Variants in MAGI2 observed in about 807,000 individuals in gnomAD.
MAGI2 encodes the protein membrane-associated guanylate kinase, WW and PDZ domain-containing protein 2.
MAGI2 carries 35 observed loss-of-function variants against 133.3 expected under a neutral mutation model. The observed-to-expected ratio is 0.26, with a 90% CI of 0.20 to 0.35. The LOEUF is 0.35. MAGI2 is among the 10% of genes least tolerant of loss of function. The pLI, the probability that MAGI2 is intolerant of heterozygous loss-of-function variation, is 1.00. For missense variants in MAGI2, 1,636 were observed against 1,863.4 expected (o/e 0.88, Z 2.25); for synonymous variants, 729 against 710.6 (o/e 1.03, Z -0.41).
chr7:78,174,947 G>C (rs999749067), intron 14 of MAGI2, among the ~76,000 whole-genome samples: 1 of 152,210 alleles, frequency 6.6e-6, no homozygotes, highest in Admixed American at 6.5e-5. Flanking sequence ...CTCTCTGCAT[G>C]AATGCTGGAG....
chr7:78,223,277 C>A (rs1789015455), intron 10 of MAGI2, among the ~76,000 whole-genome samples: 1 of 152,112 alleles, frequency 6.6e-6, no homozygotes, highest in East Asian at 1.9e-4. Context: ...ACCATTTGTT[C>A]TTTCATTTTT....
chr7:78,759,189 G>C (rs2214558), intron 2 of MAGI2, among the ~76,000 whole-genome samples: 65,101 of 151,822 alleles, frequency 0.43, 14,222 homozygotes, highest in Non-Finnish European at 0.47. Flanking sequence ...TCCATATTAA[G>C]TAATCAAGTC....
At chr7:78,775,394 G>A (rs113819314) in intron 2 of MAGI2, among the ~76,000 whole-genome samples, 37 of 137,708 alleles carry the variant, frequency 2.7e-4, no homozygotes, top group African/African-American at 9.0e-4. Context: ...AAAATTAATC[G>A]GGAAATTTAG....
At chr7:79,283,781 T>G (rs1409523392) in intron 1 of MAGI2, among the ~76,000 whole-genome samples, 1 of 152,144 alleles carries the variant, frequency 6.6e-6, no homozygotes, top group Non-Finnish European at 1.5e-5. Context: ...TTTTAGTTGT[T>G]TCTTTGGCTA....
intron 6 of MAGI2, among the ~76,000 whole-genome samples, chr7:78,410,263 C>T (rs1797753390): frequency 6.6e-6 from 1 of 152,028 alleles, no homozygotes; most frequent in South Asian, 2.1e-4. Context: ...GATTAAAACT[C>T]GACCCTGCTA....
At chr7:78,929,266 C>G (rs956714514) in intron 2 of MAGI2, among the ~76,000 whole-genome samples, 1 of 151,906 alleles carries the variant, frequency 6.6e-6, no homozygotes, top group African/African-American at 2.4e-5. Context: ...ACTTTTAAAC[C>G]TTGAATTTAA....
chr7:78,406,309 A>G (rs1031016768), intron 6 of MAGI2, among the ~76,000 whole-genome samples: 1 of 152,046 alleles, frequency 6.6e-6, no homozygotes, highest in East Asian at 1.9e-4. Flanking sequence ...AACAGTATTT[A>G]AATTTAACCT....
intron 1 of MAGI2, among the ~76,000 whole-genome samples, chr7:79,223,052 T>A (rs1830575564): frequency 6.6e-6 from 1 of 151,856 alleles, no homozygotes; most frequent in South Asian, 2.1e-4. Context: ...TCCTGGCTAA[T>A]TTTTTTGTAT....
intron 3 of MAGI2, among the ~76,000 whole-genome samples, chr7:78,601,536 G>C (rs937406682): frequency 2.6e-5 from 4 of 152,046 alleles, no homozygotes; most frequent in Non-Finnish European, 5.9e-5. Flanking sequence ...GGAAATTTTG[G>C]TTGTTCGAGA....
intron 1 of MAGI2, among the ~76,000 whole-genome samples, chr7:79,427,336 C>A (rs977679556): frequency 6.6e-6 from 1 of 151,944 alleles, no homozygotes; most frequent in African/African-American, 2.4e-5. Flanking sequence ...ATGTAACAAA[C>A]CCACACATTC....
At chr7:79,129,162 C>A (rs1225921072) in intron 1 of MAGI2, among the ~76,000 whole-genome samples, 1 of 152,098 alleles carries the variant, frequency 6.6e-6, no homozygotes, top group Non-Finnish European at 1.5e-5. Context: ...CCACCATGAG[C>A]CTAGGTCACC....
intron 6 of MAGI2, among the ~76,000 whole-genome samples, chr7:78,431,218 T>C (rs1328654005): frequency 6.6e-6 from 1 of 152,042 alleles, no homozygotes; most frequent in Non-Finnish European, 1.5e-5. Context: ...TAGGAAAATA[T>C]GTATGTGAGT....
At chr7:79,331,278 G>C (rs777917725) in intron 1 of MAGI2, among the ~76,000 whole-genome samples, 3 of 151,938 alleles carry the variant, frequency 2.0e-5, no homozygotes, top group Non-Finnish European at 4.4e-5. Context: ...AATATGCAAA[G>C]TTTCACCAGT....
intron 3 of MAGI2, among the ~76,000 whole-genome samples, chr7:78,570,607 CT>C (rs1184544359): frequency 2.0e-5 from 3 of 151,792 alleles, no homozygotes; most frequent in African/African-American, 4.8e-5. Flanking sequence ...TGATAAAAAC[CT>C]TTTTTTTCCT....
intron 1 of MAGI2, among the ~76,000 whole-genome samples, chr7:79,180,090 A>G (rs1193239113): frequency 2.0e-5 from 3 of 152,034 alleles, no homozygotes; most frequent in Admixed American, 6.6e-5. Flanking sequence ...TAGCCCCATT[A>G]AAAAGTGAGC....
At chr7:79,262,709 T>C (rs1834171858) in intron 1 of MAGI2, among the ~76,000 whole-genome samples, 1 of 152,210 alleles carries the variant, frequency 6.6e-6, no homozygotes, top group African/African-American at 2.4e-5. Context: ...CTGTGAGTTA[T>C]GTGACATGCA....
At chr7:78,407,362 C>G (rs1285761566) in intron 6 of MAGI2, among the ~76,000 whole-genome samples, 4 of 151,782 alleles carry the variant, frequency 2.6e-5, no homozygotes, top group Admixed American at 2.0e-4. Flanking sequence ...CCATTAGGTC[C>G]CTAGACTTTG....
At chr7:79,182,885 C>A (rs1244536466) in intron 1 of MAGI2, among the ~76,000 whole-genome samples, 1 of 151,842 alleles carries the variant, frequency 6.6e-6, no homozygotes, top group Non-Finnish European at 1.5e-5. Flanking sequence ...TGAATGAAAT[C>A]ATGTCATTTG....
chr7:78,275,681 C>T lies in MAGI2; in HGVS notation c.1409-19100G>A, dbSNP rs565952774. 4.1e-4 allele frequency among the ~76,000 whole-genome samples: 63 copies of T among 152,190 alleles called. 1 individual carries two copies. In the South Asian group the frequency reaches 7.0e-3, roughly 17 times the overall value. On this transcript the variant is annotated intron_variant, in intron 9 of 21. Transcript: ENST00000354212. ...ATGAAAATGATTTTAAGGTATTTTA[C>T]GAAATGCTGAAGCTTTGAAAATCTT...
Sources: allele counts gnomAD v4.1 joint callset (sites outside exome capture counted in the v4.1 genomes callset), GRCh38; gene constraint gnomAD v4.1.1; transcripts MANE v1.5; gene names NCBI Gene and HGNC (gene_info 2026-07-23, HGNC 2026-07-21).